TCF7L1: variants seen among roughly 807,000 people sequenced by gnomAD.
TCF7L1 encodes the protein transcription factor 7 like 1, also known as transcription factor 7-like 1.
Under a neutral mutation model 63.7 loss-of-function variants are expected in TCF7L1, and 18 were observed. That is an observed-to-expected ratio of 0.28 (90% CI 0.20 to 0.42). TCF7L1 has a LOEUF of 0.42. TCF7L1 is among the 10% of genes least tolerant of loss of function. The probability of loss-of-function intolerance (pLI) is 1.00; values close to 1 mark genes in which losing one functional copy is unlikely to be tolerated. For missense variants in TCF7L1, 654 were observed against 779.3 expected, an observed-to-expected ratio of 0.84 and a Z score of 1.91; for synonymous variants, 355 against 340.9, an observed-to-expected ratio of 1.04 and a Z score of -0.46.
At chr2:85,175,307 C>G (rs550704896) in intron 3 of TCF7L1, among the ~76,000 whole-genome samples, 1 of 152,162 alleles carries the variant, frequency 6.6e-6, no homozygotes, top group Non-Finnish European at 1.5e-5. Context: ...ATATGGTTGG[C>G]TGAGCTAGCT....
chr2:85,238,902 C>G (rs1013107853), intron 3 of TCF7L1, among the ~76,000 whole-genome samples: 1 of 151,786 alleles, frequency 6.6e-6, no homozygotes, highest in Non-Finnish European at 1.5e-5. Flanking sequence ...TCACTGCTGA[C>G]TCCGCCTCCC....
chr2:85,204,907 A>G (rs185072316), intron 3 of TCF7L1: 1 of 145,124 alleles, frequency 6.9e-6, no homozygotes, highest in East Asian at 2.0e-4. Context: ...TCTTTAGTCT[A>G]TACACAGAAA....
At chr2:85,141,874 A>G (rs912720283) in intron 3 of TCF7L1, among the ~76,000 whole-genome samples, 1 of 152,200 alleles carries the variant, frequency 6.6e-6, no homozygotes, top group Non-Finnish European at 1.5e-5. Context: ...GGAGGACCAG[A>G]TGGCTTCTTG....
chr2:85,297,864 A>G (rs769171093), intron 4 of TCF7L1, among the ~76,000 whole-genome samples: 1 of 151,788 alleles, frequency 6.6e-6, no homozygotes, highest in Non-Finnish European at 1.5e-5. Context: ...CACCCCCTCT[A>G]TATTTCTTTT....
rs773656979 is a variant in TCF7L1 at position 85,290,692 on chromosome 2, G to T, written c.525+7114G>T. On this transcript the variant is annotated intron_variant, in intron 4 of 11. Coordinates refer to ENST00000282111, the MANE Select transcript of TCF7L1 (RefSeq NM_031283.3). ...TCCAGGGAAACAGAACCAAGGTGAT[G>T]TATGTATATATAGCGAGTGAGTGAG... Among the ~76,000 whole-genome samples, 87 of 152,218 alleles carry T rather than the reference G, an allele frequency of 5.7e-4. 2 individuals carry two copies. The highest frequency in any genetic ancestry group is 1.2e-3 in the Non-Finnish European group (79 of 68,038).
intron 3 of TCF7L1, among the ~76,000 whole-genome samples, chr2:85,159,069 G>T (rs558078563): frequency 6.6e-6 from 1 of 152,230 alleles, no homozygotes; most frequent in Non-Finnish European, 1.5e-5. Context: ...GGAGGGCTTT[G>T]TAGCACCGTG....
At chr2:85,297,457 C>G (rs1681857818) in intron 4 of TCF7L1, among the ~76,000 whole-genome samples, 1 of 152,210 alleles carries the variant, frequency 6.6e-6, no homozygotes, top group Non-Finnish European at 1.5e-5. Flanking sequence ...GCATACTACA[C>G]TAGTGTTTCT....
At position 85,306,248 on chromosome 2, in the gene TCF7L1, C is replaced by G. The variant is rs767065446; in HGVS notation, c.1032C>G (p.Pro344=). ...VTVKKEEEKK[P]HVKKPLNAFM... The stretch of plus-strand genomic sequence containing the variant: ...TGAAAAAGGAGGAGGAAAAGAAGCC[C>G]CACGTGAAGAAGCCTCTGAATGCCT... The change falls in exon 9 of 12, where the codon CCC becomes CCG. Residue 344 remains proline, a synonymous_variant. Transcript: ENST00000282111. The surrounding 1 kb of genome is among the most constrained non-coding windows in gnomAD (Gnocchi z 4.3). 2 of 1,614,094 alleles carry G rather than the reference C, an allele frequency of 1.2e-6. No individual in the cohort carries two copies. Among genetic ancestry groups the G allele is most frequent in the Non-Finnish European group, 1.7e-6 (2 of 1,180,030 alleles).
chr2:85,204,228 T>G (rs958273488), intron 3 of TCF7L1, among the ~76,000 whole-genome samples: 1 of 151,436 alleles, frequency 6.6e-6, no homozygotes, highest in Non-Finnish European at 1.5e-5. Context: ...ACAACTACTA[T>G]GTATTATTTT....
chr2:85,309,579 G>T lies in TCF7L1; in HGVS notation c.*117G>T. On this transcript the variant is annotated 3_prime_UTR_variant, in exon 12 of 12. Coordinates refer to ENST00000282111, the MANE Select transcript of TCF7L1 (RefSeq NM_031283.3). ...TGACCACTCTGGACTGTTCTGTAAA[G>T]TGGCTGGTAACAACAGCACTTTACA... 9.2e-7 allele frequency: 1 copy of T among 1,085,898 alleles called. No individual in the cohort carries two copies. The allele number at this position is 1,085,898 out of a possible 1,614,324, so 67.3% of individuals were successfully genotyped here.
rs11337671 is a variant in TCF7L1, at chr2:85,239,944, TAA to T, written c.442-43535_442-43534del. Reference sequence around the variant, plus strand: ...CTGGGCAACAGAGCGAGACTCCATCTAAAAAAAAAAAAAAAAACAAAAAAAAA... The same window carrying T: ...CTGGGCAACAGAGCGAGACTCCATCTAAAAAAAAAAAAAAACAAAAAAAAA... On this transcript the variant is annotated intron_variant, in intron 3 of 11. Coordinates refer to ENST00000282111, the MANE Select transcript of TCF7L1 (RefSeq NM_031283.3). Among the ~76,000 whole-genome samples, 353 of 104,360 alleles carry T rather than the reference TAA, an allele frequency of 3.4e-3. 1 individual carries two copies. Among genetic ancestry groups the T allele is most frequent in the Admixed American group, 6.7e-3 (69 of 10,252 alleles). 68.5% of individuals were successfully genotyped at this position (104,360 alleles called of 152,430 possible).
chr2:85,185,960 A>ATTTTTTTTTTTTTT (rs67142055), intron 3 of TCF7L1, among the ~76,000 whole-genome samples: 1 of 94,642 alleles, frequency 1.1e-5, no homozygotes, highest in Non-Finnish European at 2.0e-5. Context: ...AACACAGGGG[A>ATTTTTTTTTTTTTT]TTTTTTTTTT....
At chr2:85,283,340 C>T (rs1044812663) in intron 3 of TCF7L1, among the ~76,000 whole-genome samples, 155 bp from the exon 4 acceptor site, 3 of 149,332 alleles carry the variant, frequency 2.0e-5, no homozygotes, top group Admixed American at 6.7e-5. Context: ...CTGTTATAAT[C>T]GTTTGGAAAT....
intron 3 of TCF7L1, among the ~76,000 whole-genome samples, chr2:85,211,539 T>G (rs1449423762): frequency 6.6e-6 from 1 of 152,212 alleles, no homozygotes; most frequent in African/African-American, 2.4e-5. Flanking sequence ...GGGCAACAGC[T>G]ATGTGGGATT....
At chr2:85,232,855 G>C (rs948533515) in intron 3 of TCF7L1, 1 of 152,200 alleles carries the variant, frequency 6.6e-6, no homozygotes, top group Non-Finnish European at 1.5e-5. Flanking sequence ...AAACCAGTGG[G>C]CTACTGTTAC....
chr2:85,198,040 A>G (rs187266672), intron 3 of TCF7L1, among the ~76,000 whole-genome samples: 1 of 152,210 alleles, frequency 6.6e-6, no homozygotes, highest in East Asian at 1.9e-4. Context: ...CGTTCAGTGC[A>G]AGGGAAGACA....
intron 7 of TCF7L1, 109 bp downstream of exon 7, chr2:85,304,447 C>A: frequency 9.2e-7 from 1 of 1,081,470 alleles, no homozygotes; most frequent in Non-Finnish European, 1.3e-6. Flanking sequence ...AGGGCTCACC[C>A]TCCCCCCACC....
chr2:85,179,973 A>G (rs1678762559), intron 3 of TCF7L1, among the ~76,000 whole-genome samples: 1 of 152,072 alleles, frequency 6.6e-6, no homozygotes, highest in Non-Finnish European at 1.5e-5. Context: ...CTTGGGTTAA[A>G]TTTTAATAAT....
At chr2:85,176,175 A>G (rs1011812160) in intron 3 of TCF7L1, among the ~76,000 whole-genome samples, 1 of 152,228 alleles carries the variant, frequency 6.6e-6, no homozygotes, top group African/African-American at 2.4e-5. Context: ...CTGGGCATGC[A>G]AAGAAGCACC....
Sources: gnomAD v4.1 joint callset for allele counts (sites outside exome capture counted in the v4.1 genomes callset) on GRCh38, gnomAD v4.1.1 for gene constraint, Gnocchi (gnomAD v3.1) non-coding constraint, MANE v1.5 for transcripts, NCBI Gene and HGNC (gene_info 2026-07-23, HGNC 2026-07-21) for gene names.